The following GALNT13 variants were observed in gnomAD, a reference collection of about 807,000 sequenced individuals.
GALNT13 encodes UDP-GalNAc:polypeptide N-acetylgalactosaminyltransferase 13.
Under a neutral mutation model 64.2 loss-of-function variants are expected in GALNT13, and 28 were observed. The observed-to-expected ratio is 0.44, with a 90% CI of 0.32 to 0.60. GALNT13 has a LOEUF of 0.60. Ranked by LOEUF, GALNT13 falls within the 20% of genes least tolerant of loss-of-function variation. The pLI is 0.05. For missense variants in GALNT13, 577 were observed against 669.8 expected, an observed-to-expected ratio of 0.86 and a Z score of 1.53; for synonymous variants, 214 against 224.6, an observed-to-expected ratio of 0.95 and a Z score of 0.42.
chr2:153,527,588 C>CA, the GALNT13 span, among the ~76,000 whole-genome samples: 1 of 152,132 alleles, frequency 6.6e-6, no homozygotes, highest in African/African-American at 2.4e-5. Context: ...CCTGAATGTA[C>CA]AAAAATCACT....
chr2:154,064,991 G>C (rs553500191), intron 3 of GALNT13, among the ~76,000 whole-genome samples: 1 of 152,088 alleles, frequency 6.6e-6, no homozygotes, highest in Non-Finnish European at 1.5e-5. Flanking sequence ...TTGAGCCACA[G>C]GGGAGCCCAC....
At chr2:153,767,517 A>T in the GALNT13 span, among the ~76,000 whole-genome samples, 1 of 152,156 alleles carries the variant, frequency 6.6e-6, no homozygotes, top group South Asian at 2.1e-4. Flanking sequence ...TTCTACAAAA[A>T]ATCCCTGTAC....
chr2:154,048,393 C>A (rs10194783), intron 3 of GALNT13, among the ~76,000 whole-genome samples: 30,953 of 152,050 alleles, frequency 0.2, 4,068 homozygotes, highest in Middle Eastern at 0.33. Context: ...AAACTACCCC[C>A]AGTTGAGAAT....
At chr2:153,563,451 T>C in the GALNT13 span, among the ~76,000 whole-genome samples, 1 of 152,156 alleles carries the variant, frequency 6.6e-6, no homozygotes, top group African/African-American at 2.4e-5. Context: ...TATATTTATA[T>C]GAGGTTTGGT....
At chr2:154,443,955 C>G (rs1333252644) in intron 12 of GALNT13, among the ~76,000 whole-genome samples, 1 of 151,984 alleles carries the variant, frequency 6.6e-6, no homozygotes, top group Non-Finnish European at 1.5e-5. Flanking sequence ...TTAGATGATC[C>G]TATTTTTAGT....
chr2:154,228,520 G>A (rs769748425), intron 4 of GALNT13, among the ~76,000 whole-genome samples: 2 of 152,260 alleles, frequency 1.3e-5, no homozygotes, highest in South Asian at 2.1e-4. Context: ...CCCTGCTATT[G>A]TTACTGAAAC....
At chr2:154,087,226 A>G (rs991987517) in intron 3 of GALNT13, among the ~76,000 whole-genome samples, 1 of 151,960 alleles carries the variant, frequency 6.6e-6, no homozygotes, top group African/African-American at 2.4e-5. Context: ...TCTTAGGCCA[A>G]TTTTTCAGAC....
At chr2:154,446,819 T>G in intron 12 of GALNT13, 1 of 1,425,896 alleles carries the variant, frequency 7.0e-7, no homozygotes, top group Non-Finnish European at 9.2e-7. Context: ...TATGTTCAGT[T>G]ATTGAAATCT....
At chr2:153,760,357 T>C in the GALNT13 span, among the ~76,000 whole-genome samples, 1 of 151,942 alleles carries the variant, frequency 6.6e-6, no homozygotes. Context: ...TTATTTGAGG[T>C]GTAACATTAA....
chr2:154,276,204 C>A (rs997783714), intron 8 of GALNT13, among the ~76,000 whole-genome samples: 7 of 151,650 alleles, frequency 4.6e-5, no homozygotes, highest in African/African-American at 1.5e-4. Flanking sequence ...GTTTTCTTTT[C>A]TTTTCTCTTT....
In GALNT13 at chr2:154,018,132, C is replaced by A. The variant is rs1315023591; in HGVS notation, c.142+73493C>A. Among the ~76,000 whole-genome samples the A allele has an allele frequency of 2.0e-5, 3 of 152,210 alleles. No individual in the cohort carries two copies. The East Asian group carries it at 5.8e-4, about 29-fold the overall frequency. ...TTCAATGGCAGTAGCAACTTGAGAA[C>A]TGTCTTTTCAGAAATCTCAGTACAT... On this transcript the variant is annotated intron_variant, in intron 3 of 12. Transcript: ENST00000392825.
At chr2:154,232,675 C>T (rs1003080780) in intron 4 of GALNT13, among the ~76,000 whole-genome samples, 1 of 152,026 alleles carries the variant, frequency 6.6e-6, no homozygotes, top group East Asian at 1.9e-4. Context: ...CCCAGCTCCA[C>T]TACATAGAAG....
intron 3 of GALNT13, among the ~76,000 whole-genome samples, chr2:154,137,436 C>T (rs901214724): frequency 6.6e-6 from 1 of 152,012 alleles, no homozygotes; most frequent in Non-Finnish European, 1.5e-5. Context: ...ACCTATTCTC[C>T]ACTAAGAAAC....
chr2:153,629,506 A>T, the GALNT13 span, among the ~76,000 whole-genome samples: 1 of 152,154 alleles, frequency 6.6e-6, no homozygotes, highest in South Asian at 2.1e-4. Flanking sequence ...TTCAAGGTGG[A>T]TTAAAGACTT....
the GALNT13 span, among the ~76,000 whole-genome samples, chr2:153,368,002 A>T: frequency 6.6e-6 from 1 of 151,980 alleles, no homozygotes; most frequent in Admixed American, 6.6e-5. Context: ...ACACCAGTTA[A>T]AGCGTAAAGA....
the GALNT13 span, among the ~76,000 whole-genome samples, chr2:153,807,308 A>AT: frequency 1.3e-5 from 2 of 151,946 alleles, no homozygotes; most frequent in East Asian, 1.9e-4. Context: ...GTTTTTATGT[A>AT]TTTTTTATAG....
At chr2:154,146,977 T>A (rs1683642653) in intron 4 of GALNT13, among the ~76,000 whole-genome samples, 1 of 152,114 alleles carries the variant, frequency 6.6e-6, no homozygotes, top group African/African-American at 2.4e-5. Flanking sequence ...TATAATCAAA[T>A]AAAATGTGTA....
intron 3 of GALNT13, among the ~76,000 whole-genome samples, chr2:154,074,498 T>C: frequency 6.6e-6 from 1 of 151,914 alleles, no homozygotes; most frequent in East Asian, 1.9e-4. Flanking sequence ...TTGAAGAACA[T>C]AGCCCACTGA....
chr2:154,041,433 G>A (rs887561738), intron 3 of GALNT13, among the ~76,000 whole-genome samples: 2 of 139,918 alleles, frequency 1.4e-5, no homozygotes, highest in Non-Finnish European at 3.3e-5. Flanking sequence ...TAAATTTCAC[G>A]CTTTTATATT....
Sources: gnomAD v4.1 joint callset for allele counts (sites outside exome capture counted in the v4.1 genomes callset) on GRCh38, gnomAD v4.1.1 for gene constraint, MANE v1.5 for transcripts, NCBI Gene and HGNC (gene_info 2026-07-23, HGNC 2026-07-21) for gene names.